Variants in NRXN1 observed in about 807,000 individuals in gnomAD.
NRXN1 encodes the protein neurexin-1.
A neutral mutation model predicts 150.9 loss-of-function variants in NRXN1; 39 were observed. That is an observed-to-expected ratio of 0.26 (90% CI 0.20 to 0.34). The LOEUF is 0.34. Ranked by LOEUF, NRXN1 falls within the 10% of genes least tolerant of loss-of-function variation. The probability of loss-of-function intolerance (pLI) is 1.00; values close to 1 mark genes in which losing one functional copy is unlikely to be tolerated. For missense variants in NRXN1, 1,815 were observed against 1,949.9 expected (o/e 0.93, Z 1.30); for synonymous variants, 924 against 757.0 (o/e 1.22, Z -3.62).
chr2:50,024,658 AG>A (rs896632140), intron 21 of NRXN1, among the ~76,000 whole-genome samples: 6 of 151,952 alleles, frequency 3.9e-5, no homozygotes, highest in African/African-American at 1.5e-4. Flanking sequence ...TCTTTTGCCC[AG>A]GCTGGAGTGC....
chr2:51,002,147 T>C (rs941591226), intron 2 of NRXN1, among the ~76,000 whole-genome samples: 22 of 152,176 alleles, frequency 1.4e-4, no homozygotes, highest in African/African-American at 5.3e-4. Flanking sequence ...AAGGCCTCCA[T>C]GTCAAGTAAA....
Position 50,262,235 on chromosome 2 carries a change from C to T in NRXN1, c.3365-25265G>A, listed in dbSNP as rs112766904. On this transcript the variant is annotated intron_variant, in intron 17 of 22. Transcript: ENST00000401669. ...GTAGAGGACATTTTATTTTGCCTAG[C>T]AATTCTTTCTATGATTAAAATTAAG... Among the ~76,000 whole-genome samples the T allele has an allele frequency of 1.0e-2, 1,518 of 151,940 alleles. 15 individuals carry two copies. Among genetic ancestry groups the T allele is most frequent in the Non-Finnish European group, 0.015 (1,044 of 67,844 alleles).
At chr2:50,778,278 T>A (rs1438866761) in intron 5 of NRXN1, among the ~76,000 whole-genome samples, 1 of 152,178 alleles carries the variant, frequency 6.6e-6, no homozygotes, top group African/African-American at 2.4e-5. Flanking sequence ...CCCAACTCAG[T>A]GTTTTTAAGG....
chr2:50,640,043 A>T (rs1683841994), intron 5 of NRXN1, among the ~76,000 whole-genome samples: 1 of 152,212 alleles, frequency 6.6e-6, no homozygotes, highest in Non-Finnish European at 1.5e-5. Flanking sequence ...AACAATTACC[A>T]GGCATCTCAG....
intron 8 of NRXN1, among the ~76,000 whole-genome samples, chr2:50,612,660 C>T (rs573703546): frequency 1.3e-5 from 2 of 152,220 alleles, no homozygotes; most frequent in African/African-American, 4.8e-5. Context: ...TGTATAGAGC[C>T]TAGTACAATC....
chr2:49,981,418 A>G (rs1219234239), intron 21 of NRXN1, among the ~76,000 whole-genome samples: 3 of 152,060 alleles, frequency 2.0e-5, no homozygotes, highest in African/African-American at 7.2e-5. Context: ...AGGGAAAAGA[A>G]CTAAAGGAAA....
At chr2:50,615,930 C>A (rs1678988333) in intron 8 of NRXN1, 1 of 152,068 alleles carries the variant, frequency 6.6e-6, no homozygotes, top group South Asian at 2.1e-4. Flanking sequence ...TATCAAAATG[C>A]AAATAATATA....
chr2:50,445,527 C>T (rs974950000), intron 17 of NRXN1, among the ~76,000 whole-genome samples: 2 of 152,118 alleles, frequency 1.3e-5, no homozygotes, highest in African/African-American at 2.4e-5. Flanking sequence ...TTATTATCCT[C>T]CCAATTTGTG....
chr2:49,937,923 A>C (rs1012279469), intron 22 of NRXN1, among the ~76,000 whole-genome samples: 1 of 152,216 alleles, frequency 6.6e-6, no homozygotes, highest in Non-Finnish European at 1.5e-5. Context: ...GAAAAGGTGC[A>C]CCTTGTTCAA....
At chr2:50,970,365 C>T (rs778887587) in intron 2 of NRXN1, among the ~76,000 whole-genome samples, 69 of 152,010 alleles carry the variant, frequency 4.5e-4, no homozygotes, top group Non-Finnish European at 8.8e-4. Flanking sequence ...GTTTTCTGAA[C>T]CCCAACAGTA....
intron 5 of NRXN1, among the ~76,000 whole-genome samples, chr2:50,755,549 T>A (rs1574362238): frequency 6.6e-6 from 1 of 151,782 alleles, no homozygotes; most frequent in African/African-American, 2.4e-5. Flanking sequence ...TAGATTTTTA[T>A]TACCTGCTGT....
intron 5 of NRXN1, among the ~76,000 whole-genome samples, chr2:50,699,545 C>T (rs552523823): frequency 1.4e-3 from 217 of 152,066 alleles, no homozygotes; most frequent in Non-Finnish European, 2.5e-3. Flanking sequence ...GAGGAAGGGG[C>T]ACCTGGAAAG....
At chr2:49,964,835 C>T (rs979051948) in intron 21 of NRXN1, among the ~76,000 whole-genome samples, 1 of 152,062 alleles carries the variant, frequency 6.6e-6, no homozygotes, top group South Asian at 2.1e-4. Flanking sequence ...AAGCAAAAGT[C>T]CATCTCAAAA....
intron 18 of NRXN1, among the ~76,000 whole-genome samples, chr2:50,234,747 G>C (rs780711696): frequency 6.6e-6 from 1 of 151,998 alleles, no homozygotes; most frequent in Non-Finnish European, 1.5e-5. Flanking sequence ...AAGTCCAAGA[G>C]AAAGGGTGTG....
intron 17 of NRXN1, 115 bp from the exon 18 acceptor site, chr2:50,237,085 A>C: frequency 9.8e-7 from 1 of 1,024,670 alleles, no homozygotes; most frequent in Non-Finnish European, 1.5e-6. Flanking sequence ...AACTATGGCA[A>C]AGTAAATCAT....
At chr2:50,774,148 A>G (rs545521371) in intron 5 of NRXN1, among the ~76,000 whole-genome samples, 2 of 152,194 alleles carry the variant, frequency 1.3e-5, no homozygotes, top group African/African-American at 4.8e-5. Context: ...ATCACATCAC[A>G]TTTGTTCCCT....
At chr2:50,014,454 A>T (rs545798092) in intron 21 of NRXN1, among the ~76,000 whole-genome samples, 10 of 152,236 alleles carry the variant, frequency 6.6e-5, no homozygotes, top group African/African-American at 2.4e-4. Flanking sequence ...TGTGCACTGT[A>T]TGATGGTTAG....
At chr2:50,802,537 G>GGAAGGAAGGAAT (rs1707755823) in intron 5 of NRXN1, among the ~76,000 whole-genome samples, 1 of 141,650 alleles carries the variant, frequency 7.1e-6, no homozygotes, top group African/African-American at 2.6e-5. Flanking sequence ...AAGGAAGGAA[G>GGAAGGAAGGAAT]GAAGGAAGGA....
chr2:50,282,491 G>A (rs2071588158), intron 17 of NRXN1, among the ~76,000 whole-genome samples: 1 of 152,034 alleles, frequency 6.6e-6, no homozygotes, highest in Non-Finnish European at 1.5e-5. Flanking sequence ...TGTATGGAGG[G>A]AACACTTCTC....
Sources: gnomAD v4.1 joint callset for allele counts (sites outside exome capture counted in the v4.1 genomes callset) on GRCh38, gnomAD v4.1.1 for gene constraint, MANE v1.5 for transcripts, NCBI Gene and HGNC (gene_info 2026-07-23, HGNC 2026-07-21) for gene names.